Variants in BCL2 observed in about 807,000 individuals in gnomAD.
The protein encoded by BCL2 is BCL2 apoptosis regulator, also known as apoptosis regulator Bcl-2.
In BCL2, 1 loss-of-function variant was observed where a neutral mutation model predicts 14.2. That is an observed-to-expected ratio of 0.07 (90% CI 0.02 to 0.33). The LOEUF (loss-of-function observed/expected upper bound fraction) is 0.33. Ranked by LOEUF, BCL2 falls within the 10% of genes least tolerant of loss-of-function variation. The pLI, the probability that BCL2 is intolerant of heterozygous loss-of-function variation, is 0.99. For synonymous variants in BCL2, 151 were observed against 137.2 expected (o/e 1.10, Z -0.70); for missense variants, 247 against 305.9 (o/e 0.81, Z 1.44).
At chr18:63,251,570 G>C (rs901555910) in intron 2 of BCL2, among the ~76,000 whole-genome samples, 4 of 149,604 alleles carry the variant, frequency 2.7e-5, no homozygotes, top group African/African-American at 9.8e-5. Context: ...GCGTGAACCC[G>C]GGAGGCGGAG....
At chr18:63,138,559 CG>C (rs1268641933) in intron 2 of BCL2, among the ~76,000 whole-genome samples, 22 of 152,242 alleles carry the variant, frequency 1.4e-4, no homozygotes, top group Non-Finnish European at 2.1e-4. Context: ...TGAAGAGGCA[CG>C]GGAGCGTGAG....
chr18:63,297,624 G>A (rs1033357276), intron 2 of BCL2, among the ~76,000 whole-genome samples: 5 of 152,242 alleles, frequency 3.3e-5, no homozygotes, highest in African/African-American at 1.2e-4. Context: ...ATGAGTAAAT[G>A]TTTGGATATA....
At chr18:63,274,410 G>A (rs910241034) in intron 2 of BCL2, among the ~76,000 whole-genome samples, 4 of 146,434 alleles carry the variant, frequency 2.7e-5, no homozygotes, top group East Asian at 2.1e-4. Context: ...TCAGCCTCCC[G>A]AGTAGTGGGG....
intron 2 of BCL2, among the ~76,000 whole-genome samples, chr18:63,213,087 CAGGT>C (rs1910091384): frequency 6.6e-6 from 1 of 152,172 alleles, no homozygotes; most frequent in South Asian, 2.1e-4. Context: ...CAGAGGCAGG[CAGGT>C]AGGCCGATTC....
intron 2 of BCL2, among the ~76,000 whole-genome samples, chr18:63,155,105 G>A (rs745829971): frequency 1.3e-5 from 2 of 152,178 alleles, no homozygotes; most frequent in Non-Finnish European, 2.9e-5. Context: ...ATAAGAGGAC[G>A]CTACAACATC....
chr18:63,279,883 A>C (rs943483597), intron 2 of BCL2, among the ~76,000 whole-genome samples: 1 of 152,234 alleles, frequency 6.6e-6, no homozygotes, highest in Admixed American at 6.5e-5. Context: ...TGACATACTT[A>C]GGTGGTAAAT....
In BCL2 at chr18:63,123,639, T is replaced by C. The variant is rs750160246; in HGVS notation, c.*4986A>G. 4 of 211,904 alleles carry C rather than the reference T, an allele frequency of 1.9e-5. No homozygotes were observed. The highest frequency in any genetic ancestry group is 2.9e-5 in the Non-Finnish European group (3 of 104,724). The allele number at this position is 211,904 out of a possible 1,614,324, so 13.1% of individuals were successfully genotyped here. ...AAAGCTTTCAATACAAAAACACTTATTGTACACTTATTTTTATTTAAAACA... is the reference window on the plus strand; with the variant it reads ...AAAGCTTTCAATACAAAAACACTTACTGTACACTTATTTTTATTTAAAACA... On this transcript the variant is annotated 3_prime_UTR_variant, in exon 3 of 3. Transcript: ENST00000333681.
intron 2 of BCL2, among the ~76,000 whole-genome samples, chr18:63,178,098 T>G (rs1472188653): frequency 6.6e-6 from 1 of 152,204 alleles, no homozygotes; most frequent in African/African-American, 2.4e-5. Context: ...GGCCTCATGA[T>G]AAATCAGTTG....
intron 2 of BCL2, among the ~76,000 whole-genome samples, chr18:63,235,173 A>G (rs1910791771): frequency 6.6e-6 from 1 of 152,230 alleles, no homozygotes; most frequent in Non-Finnish European, 1.5e-5. Context: ...GACTCTAACA[A>G]GTATTGAAGA....
intron 2 of BCL2, among the ~76,000 whole-genome samples, chr18:63,155,621 T>C (rs1421594569): frequency 6.6e-6 from 1 of 151,356 alleles, no homozygotes. Flanking sequence ...GAGGGAAGAG[T>C]AGGGCTGTTG....
rs370384013 is a variant in BCL2 at position 63,231,996 on chromosome 18, C to T, written c.585+86086G>A. Among the ~76,000 whole-genome samples the T allele has an allele frequency of 1.1e-4, 16 of 151,724 alleles. 1 individual carries two copies. The highest frequency in any genetic ancestry group is 7.7e-4 in the East Asian group (4 of 5,164). On this transcript the variant is annotated intron_variant, in intron 2 of 2. Coordinates refer to ENST00000333681, the MANE Select transcript of BCL2 (RefSeq NM_000633.3). Reference sequence around the variant, plus strand: ...GTGTAAATATAGATAACTAGACTAACGCAATAGAGAGAGCCCCACACATGT... The same window carrying T: ...GTGTAAATATAGATAACTAGACTAATGCAATAGAGAGAGCCCCACACATGT...
At chr18:63,307,150 T>C (rs188473312) in intron 2 of BCL2, among the ~76,000 whole-genome samples, 80 of 152,314 alleles carry the variant, frequency 5.3e-4, no homozygotes, top group Non-Finnish European at 1.0e-3. Flanking sequence ...TCCTTTGCCA[T>C]AACAATGAGC....
chr18:63,213,312 T>C (rs1354645751), intron 2 of BCL2, among the ~76,000 whole-genome samples: 4 of 152,214 alleles, frequency 2.6e-5, no homozygotes, highest in African/African-American at 9.7e-5. Flanking sequence ...TTAGTCAATA[T>C]GATTTGTGTC....
At chr18:63,222,564 T>C (rs1910427433) in intron 2 of BCL2, among the ~76,000 whole-genome samples, 1 of 151,822 alleles carries the variant, frequency 6.6e-6, no homozygotes, top group African/African-American at 2.4e-5. Flanking sequence ...ATAAGCAGAT[T>C]TGAAAAAATA....
chr18:63,221,467 AAC>A (rs1049699006), intron 2 of BCL2, among the ~76,000 whole-genome samples: 21 of 152,336 alleles, frequency 1.4e-4, no homozygotes, highest in African/African-American at 5.1e-4. Context: ...AAGGGAGAGA[AAC>A]AGAGGCCCCA....
intron 2 of BCL2, among the ~76,000 whole-genome samples, chr18:63,131,141 T>C (rs1914058854): frequency 6.6e-6 from 1 of 152,112 alleles, no homozygotes; most frequent in Non-Finnish European, 1.5e-5. Context: ...CTCTGGTTTA[T>C]AAGATGCTCT....
intron 2 of BCL2, among the ~76,000 whole-genome samples, chr18:63,254,546 C>A (rs1482348191): frequency 2.6e-5 from 4 of 151,342 alleles, no homozygotes; most frequent in Non-Finnish European, 5.9e-5. Flanking sequence ...CAGAGCAAGA[C>A]CCTGCCTTAA....
chr18:63,242,998 C>T (rs563194454), intron 2 of BCL2, among the ~76,000 whole-genome samples: 1 of 152,138 alleles, frequency 6.6e-6, no homozygotes, highest in East Asian at 1.9e-4. Flanking sequence ...CTTCAAGTAA[C>T]ATGGATTGGG....
chr18:63,278,667 C>T (rs1270238886), intron 2 of BCL2, among the ~76,000 whole-genome samples: 2 of 152,192 alleles, frequency 1.3e-5, no homozygotes, highest in African/African-American at 4.8e-5. Context: ...CAATCTCTCT[C>T]CTCACCACAG....
Sources: gnomAD v4.1 joint callset for allele counts (sites outside exome capture counted in the v4.1 genomes callset) on GRCh38, gnomAD v4.1.1 for gene constraint, MANE v1.5 for transcripts, NCBI Gene and HGNC (gene_info 2026-07-23, HGNC 2026-07-21) for gene names.